MCMDC2: variants seen among roughly 807,000 people sequenced by gnomAD.
The protein encoded by MCMDC2 is minichromosome maintenance domain-containing protein 2.
A neutral mutation model predicts 75.8 loss-of-function variants in MCMDC2; 54 were observed. The ratio of observed to expected loss-of-function variants is 0.71; its 90% CI spans 0.57 to 0.89. The LOEUF (loss-of-function observed/expected upper bound fraction) is 0.89, where lower values mean the gene tolerates loss of function less well. Ranked by LOEUF, MCMDC2 falls within the 40% of genes least tolerant of loss-of-function variation. MCMDC2 has a pLI of 0.00. For missense variants in MCMDC2, 656 were observed against 780.4 expected (o/e 0.84, Z 1.90); for synonymous variants, 249 against 274.6 (o/e 0.91, Z 0.92).
Position 66,919,314 on chromosome 8 carries a change from C to A in MCMDC2, c.*145C>A. 3 of 566,726 alleles carry A rather than the reference C, an allele frequency of 5.3e-6. No homozygotes were observed. Among genetic ancestry groups the A allele is most frequent in the South Asian group, 4.0e-5 (1 of 25,106 alleles). 35.1% of individuals were successfully genotyped at this position (566,726 alleles called of 1,614,324 possible). A position where few individuals can be genotyped will look rare whatever the true frequency, so the allele number is the denominator to read the frequency against. On this transcript the variant is annotated 3_prime_UTR_variant, in exon 15 of 15. Transcript: ENST00000422365. ...TGTTTTTAAAAATATAAAATATAGT[C>A]CCCTCAAAACTAATTGCTAATGGGA... is the stretch of plus-strand genomic sequence containing the variant.
Position 66,919,010 on chromosome 8 carries a change from T to G in MCMDC2, c.1887T>G (p.Thr629=). The change falls in exon 15 of 15, where the codon ACT becomes ACG. Residue 629 remains threonine, a synonymous_variant. Coordinates refer to ENST00000422365, the MANE Select transcript of MCMDC2 (RefSeq NM_173518.5). The part of the protein sequence containing the change: ...ETSLTLKYGA[T]VFCVAPNAVF... ...ATTATCTTCTTCATTTAGGGGCCACTGTATTTTGTGTTGCTCCGAATGCAG... is the reference window on the plus strand; with the variant it reads ...ATTATCTTCTTCATTTAGGGGCCACGGTATTTTGTGTTGCTCCGAATGCAG... 6.6e-7 allele frequency: 1 copy of G among 1,516,300 alleles called. No homozygotes were observed. Among genetic ancestry groups the G allele is most frequent in the Non-Finnish European group, 8.8e-7 (1 of 1,130,244 alleles). The allele number at this position is 1,516,300 out of a possible 1,614,324, so 93.9% of individuals were successfully genotyped here. A position where few individuals can be genotyped will look rare whatever the true frequency, so the allele number is the denominator to read the frequency against.
chr8:66,905,461 A>C (rs1285533298), intron 14 of MCMDC2, 126 bp downstream of exon 14: 5 of 867,442 alleles, frequency 5.8e-6, no homozygotes, highest in Non-Finnish European at 3.0e-6. Context: ...ACAAATCTCT[A>C]CCAGGTAAGG....
At chr8:66,899,624 C>T (rs6472290) in intron 12 of MCMDC2, among the ~76,000 whole-genome samples, 151,856 of 151,860 alleles carry the variant, frequency 1, 75,926 homozygotes, top group Middle Eastern at 1. Context: ...GCCTCCCGAG[C>T]AGCTGGGACT....
Position 66,891,017 on chromosome 8 carries a change from T to C in MCMDC2, c.1226T>C (p.Phe409Ser). 1 of 1,599,360 alleles carries C rather than the reference T, an allele frequency of 6.3e-7. No homozygotes were observed. Among genetic ancestry groups the C allele is most frequent in the South Asian group, 1.1e-5 (1 of 87,068 alleles). ...SALLAKGGIC[F>S]IGDLASHKKD... ...TTGCTAGCTAAAGGTGGTATCTGCT[T>C]TATAGGAGACTTGGCTTCACACAAA... Residue 409 changes from phenylalanine to serine, a missense_variant, in exon 10 of 15, where the codon TTT becomes TCT. Transcript: ENST00000422365.
In MCMDC2 at chr8:66,917,655, A is replaced by T. The variant is rs141082068; in HGVS notation, c.1880-1348A>T. 2.1e-3 allele frequency among the ~76,000 whole-genome samples: 327 copies of T among 152,316 alleles called. 1 individual carries two copies. Among genetic ancestry groups the T allele is most frequent in the African/African-American group, 6.2e-3 (257 of 41,574 alleles). On this transcript the variant is annotated intron_variant, in intron 14 of 14. Coordinates refer to ENST00000422365, the MANE Select transcript of MCMDC2 (RefSeq NM_173518.5). The stretch of plus-strand genomic sequence containing the variant: ...CTAGGTACCTCATATAAGTGGAATC[A>T]TACATTTGTCCTTTCATAACTGGCT...
chr8:66,908,265 T>A (rs558142804), intron 14 of MCMDC2, among the ~76,000 whole-genome samples: 1 of 152,154 alleles, frequency 6.6e-6, no homozygotes, highest in Non-Finnish European at 1.5e-5. Context: ...AAGGAAGGGG[T>A]CCAGTTTCTG....
intron 12 of MCMDC2, among the ~76,000 whole-genome samples, chr8:66,899,302 G>C (rs1036561475): frequency 6.6e-6 from 1 of 152,166 alleles, no homozygotes; most frequent in African/African-American, 2.4e-5. Context: ...CAGTAGCTGG[G>C]GCAACAAGTC....
rs760744162 is a variant in MCMDC2, at chr8:66,880,937, TATAGAA to T, written c.799_804del (p.Ile267_Glu268del). ...TAAAAACCTCACAAACTGCTGTCTG[TATAGAA>T]GCAAATAGCATAACTTTTTGTAATT... On this transcript the variant is annotated inframe_deletion, in exon 8 of 15. Coordinates refer to ENST00000422365, the MANE Select transcript of MCMDC2 (RefSeq NM_173518.5). The T allele has an allele frequency of 1.9e-6, 3 of 1,550,732 alleles. No homozygotes were observed. The African/African-American group carries it at 4.1e-5, about 21-fold the overall frequency.
At chr8:66,916,342 C>T (rs1813318945) in intron 14 of MCMDC2, among the ~76,000 whole-genome samples, 1 of 151,964 alleles carries the variant, frequency 6.6e-6, no homozygotes, top group Admixed American at 6.6e-5. Context: ...TAAGTCTGGC[C>T]ATATACTTTA....
chr8:66,915,363 A>C (rs1813271266), intron 14 of MCMDC2, among the ~76,000 whole-genome samples: 1 of 151,666 alleles, frequency 6.6e-6, no homozygotes, highest in Non-Finnish European at 1.5e-5. Flanking sequence ...GAGGCAGGAG[A>C]ATCGCTTGAA....
At chr8:66,897,337 T>C (rs965555354) in intron 12 of MCMDC2, among the ~76,000 whole-genome samples, 5 of 150,756 alleles carry the variant, frequency 3.3e-5, no homozygotes, top group Admixed American at 1.3e-4. Flanking sequence ...AACCCAGGAG[T>C]TGGAGGTTGC....
chr8:66,897,131 G>A (rs1812393373), intron 12 of MCMDC2, among the ~76,000 whole-genome samples, 172 bp downstream of exon 12: 1 of 152,134 alleles, frequency 6.6e-6, no homozygotes. Context: ...GGTTAGGCTG[G>A]TGTGGTGGCT....
chr8:66,889,646 A>G (rs1414667456), intron 9 of MCMDC2, among the ~76,000 whole-genome samples: 1 of 152,094 alleles, frequency 6.6e-6, no homozygotes, highest in African/African-American at 2.4e-5. Flanking sequence ...AAAAAACAAA[A>G]AATTGAGCCA....
chr8:66,870,844 C>A lies in MCMDC2; in HGVS notation c.-89+13C>A, dbSNP rs1244686730. 1 of 152,298 alleles carries A rather than the reference C, an allele frequency of 6.6e-6. No homozygotes were observed. The allele number at this position is 152,298 out of a possible 1,614,324, so 9.4% of individuals were successfully genotyped here. Reference sequence around the variant, plus strand: ...GGTGGGAGTCAAGGTGAGTGCAAAGCACTACAGCGCTGGGGTCCCACTAAC... The same window carrying A: ...GGTGGGAGTCAAGGTGAGTGCAAAGAACTACAGCGCTGGGGTCCCACTAAC... On this transcript the variant is annotated intron_variant, in intron 1 of 14. Transcript: ENST00000422365.
rs570333597 is a variant in MCMDC2 at position 66,891,156 on chromosome 8, G to T, written c.1279+86G>T. ...GATACTTAACAGTTAAGATAGTATT[G>T]CAGTTGTTTGAGGGTTTAAGAAATT... On this transcript the variant is annotated intron_variant, in intron 10 of 14. Coordinates refer to ENST00000422365, the MANE Select transcript of MCMDC2 (RefSeq NM_173518.5). 57 of 1,175,448 alleles carry T rather than the reference G, an allele frequency of 4.8e-5. No homozygotes were observed. In the South Asian group the frequency reaches 6.8e-4, roughly 14 times the overall value. The allele number at this position is 1,175,448 out of a possible 1,614,324, so 72.8% of individuals were successfully genotyped here. A position where few individuals can be genotyped will look rare whatever the true frequency, so the allele number is the denominator to read the frequency against.
chr8:66,891,208 T>C, intron 10 of MCMDC2, 138 bp downstream of exon 10: 1 of 790,558 alleles, frequency 1.3e-6, no homozygotes, highest in South Asian at 2.0e-5. Context: ...CTTATTTTGG[T>C]TTTATAAGCT....
At position 66,883,903 on chromosome 8, in the gene MCMDC2, A is replaced by C; in HGVS notation, c.982A>C (p.Met328Leu). The C allele has an allele frequency of 6.2e-7, 1 of 1,614,044 alleles. No individual in the cohort carries two copies. Among genetic ancestry groups the C allele is most frequent in the Non-Finnish European group, 8.5e-7 (1 of 1,179,982 alleles). The change falls in exon 9 of 15, where the codon ATG (methionine) becomes CTG (leucine). Residue 328 changes from methionine (M) to leucine (L), a missense_variant. Transcript: ENST00000422365. ...CAATTTGCTCAAGCTCTGTTTGTTG[A>C]TGAGTCTAGTACAGACAACTGACCG... ...TYNLLKLCLL[M>L]SLVQTTDRNK...
chr8:66,871,162 A>G (rs1214275128), intron 1 of MCMDC2, among the ~76,000 whole-genome samples: 1 of 151,598 alleles, frequency 6.6e-6, no homozygotes. Context: ...AAACGCGTCC[A>G]CTCCCCAGGG....
intron 4 of MCMDC2, among the ~76,000 whole-genome samples, chr8:66,876,162 A>G (rs1423734055): frequency 6.6e-6 from 1 of 152,184 alleles, no homozygotes; most frequent in Non-Finnish European, 1.5e-5. Context: ...TTCATTGCCT[A>G]GAATTCGTTA....
Sources: gnomAD v4.1 joint callset for allele counts (sites outside exome capture counted in the v4.1 genomes callset) on GRCh38, gnomAD v4.1.1 for gene constraint, MANE v1.5 for transcripts, NCBI Gene and HGNC (gene_info 2026-07-23, HGNC 2026-07-21) for gene names.